CCDC91: variants seen among roughly 807,000 people sequenced by gnomAD.
CCDC91 encodes coiled-coil domain-containing protein 91.
Under a neutral mutation model 63.2 loss-of-function variants are expected in CCDC91, and 48 were observed. The ratio of observed to expected loss-of-function variants is 0.76; its 90% CI spans 0.60 to 0.97. The LOEUF is 0.97. Ranked by LOEUF, CCDC91 falls within the 50% of genes least tolerant of loss-of-function variation. The pLI is 0.00. For missense variants in CCDC91, 500 were observed against 494.6 expected, an observed-to-expected ratio of 1.01 and a Z score of -0.10; for synonymous variants, 167 against 165.8, an observed-to-expected ratio of 1.01 and a Z score of -0.06.
intron 1 of CCDC91, among the ~76,000 whole-genome samples, chr12:28,209,657 C>CT (rs1943095959): frequency 6.6e-6 from 1 of 152,128 alleles, no homozygotes; most frequent in Non-Finnish European, 1.5e-5. Flanking sequence ...TCTTGATCTC[C>CT]TGACCTCAAG....
intron 6 of CCDC91, among the ~76,000 whole-genome samples, chr12:28,343,563 A>T (rs1301300939): frequency 2.0e-5 from 3 of 152,152 alleles, no homozygotes; most frequent in Non-Finnish European, 2.9e-5. Context: ...AAATGAGCTT[A>T]GGGAAAAGGT....
At chr12:28,547,817 T>C (rs575641212) in intron 12 of CCDC91, among the ~76,000 whole-genome samples, 51 of 152,268 alleles carry the variant, frequency 3.3e-4, no homozygotes, top group Admixed American at 1.8e-3. Context: ...ATCCAATTTT[T>C]CAGCCATTTT....
At chr12:28,512,532 C>T (rs1429232489) in intron 12 of CCDC91, among the ~76,000 whole-genome samples, 6 of 151,964 alleles carry the variant, frequency 3.9e-5, no homozygotes, top group Admixed American at 1.3e-4. Context: ...CCAGTTTGCC[C>T]GGTGTTTTCT....
intron 1 of CCDC91, among the ~76,000 whole-genome samples, chr12:28,240,424 T>C (rs2135947661): frequency 6.6e-6 from 1 of 152,298 alleles, no homozygotes; most frequent in Non-Finnish European, 1.5e-5. Flanking sequence ...ATATTTATTC[T>C]CTGAAATGGG....
chr12:28,348,205 C>G (rs1395972076), intron 6 of CCDC91, among the ~76,000 whole-genome samples: 2 of 152,150 alleles, frequency 1.3e-5, no homozygotes, highest in East Asian at 3.9e-4. Flanking sequence ...CATGTGTAGC[C>G]CTCCAGGGCT....
chr12:28,371,124 C>T (rs1944593312), intron 7 of CCDC91, among the ~76,000 whole-genome samples: 1 of 151,834 alleles, frequency 6.6e-6, no homozygotes, highest in Non-Finnish European at 1.5e-5. Flanking sequence ...TGTAGCCACT[C>T]CCATTCTATT....
chr12:28,358,957 G>A (rs1409879858), intron 6 of CCDC91, among the ~76,000 whole-genome samples: 8 of 152,018 alleles, frequency 5.3e-5, no homozygotes, highest in East Asian at 1.9e-4. Flanking sequence ...GTGCAGTGGC[G>A]CGATCTCGGC....
intron 3 of CCDC91, among the ~76,000 whole-genome samples, chr12:28,290,675 C>T (rs1374128634): frequency 6.6e-6 from 1 of 152,030 alleles, no homozygotes; most frequent in African/African-American, 2.4e-5. Flanking sequence ...CAATAGGAGC[C>T]AATTGTTTTT....
intron 11 of CCDC91, among the ~76,000 whole-genome samples, chr12:28,474,213 A>G (rs1286627890): frequency 7.2e-5 from 11 of 152,128 alleles, no homozygotes; most frequent in Admixed American, 1.3e-4. Flanking sequence ...TTAAAAGTGC[A>G]ACAAAGTCGT....
At chr12:28,465,787 G>A (rs1388976813) in intron 11 of CCDC91, among the ~76,000 whole-genome samples, 1 of 152,046 alleles carries the variant, frequency 6.6e-6, no homozygotes, top group East Asian at 1.9e-4. Context: ...CAAGTATCAA[G>A]ATAACCCAGG....
At chr12:28,232,257 G>T (rs1944647987) in intron 1 of CCDC91, among the ~76,000 whole-genome samples, 1 of 152,082 alleles carries the variant, frequency 6.6e-6, no homozygotes, top group South Asian at 2.1e-4. Context: ...TCCTGCAGTG[G>T]TAGTAAATGT....
intron 1 of CCDC91, among the ~76,000 whole-genome samples, chr12:28,200,898 G>C (rs924643971): frequency 4.0e-5 from 6 of 150,384 alleles, no homozygotes; most frequent in African/African-American, 7.4e-5. Context: ...CTGGCCGGGC[G>C]GGGGGCTGAC....
intron 3 of CCDC91, among the ~76,000 whole-genome samples, chr12:28,273,919 C>A (rs2136427282): frequency 6.6e-6 from 1 of 152,270 alleles, no homozygotes; most frequent in Middle Eastern, 3.4e-3. Flanking sequence ...CTTGCCCAGG[C>A]CTATGTCCTG....
intron 1 of CCDC91, among the ~76,000 whole-genome samples, chr12:28,235,557 C>A (rs149932944): frequency 4.1e-4 from 62 of 149,750 alleles, no homozygotes; most frequent in African/African-American, 1.5e-3. Context: ...AACTCTTGTT[C>A]TCCCACCATT....
At chr12:28,350,357 A>G (rs1221536050) in intron 6 of CCDC91, among the ~76,000 whole-genome samples, 2 of 152,212 alleles carry the variant, frequency 1.3e-5, no homozygotes. Flanking sequence ...TAGACAAATA[A>G]TTATTTTTAG....
intron 7 of CCDC91, among the ~76,000 whole-genome samples, chr12:28,379,736 G>T: frequency 6.6e-6 from 1 of 152,178 alleles, no homozygotes; most frequent in Admixed American, 6.5e-5. Context: ...CATTGTGGAA[G>T]ACAGTGTGGT....
chr12:28,338,417 C>A (rs185403472), intron 6 of CCDC91, among the ~76,000 whole-genome samples: 1 of 151,738 alleles, frequency 6.6e-6, no homozygotes, highest in Non-Finnish European at 1.5e-5. Context: ...GTGCTTCACC[C>A]GTGAATCTTG....
chr12:28,202,497 T>C (rs1591971992), intron 1 of CCDC91, among the ~76,000 whole-genome samples: 1 of 152,350 alleles, frequency 6.6e-6, no homozygotes, highest in South Asian at 2.1e-4. Context: ...CTTTTATGTG[T>C]GGCCACCAAA....
chr12:28,517,413 C>G (rs2141365871), intron 12 of CCDC91, among the ~76,000 whole-genome samples: 1 of 152,004 alleles, frequency 6.6e-6, no homozygotes, highest in South Asian at 2.1e-4. Flanking sequence ...AACAGACTGA[C>G]TTTTCTGTTT....
Sources: allele counts gnomAD v4.1 joint callset (sites outside exome capture counted in the v4.1 genomes callset), GRCh38; gene constraint gnomAD v4.1.1; transcripts MANE v1.5; gene names NCBI Gene and HGNC (gene_info 2026-07-23, HGNC 2026-07-21).